The following ZNF185 variants were observed in gnomAD, a reference collection of about 807,000 sequenced individuals.
ZNF185 encodes zinc finger protein 185.
Under a neutral mutation model 58.6 loss-of-function variants are expected in ZNF185, and 56 were observed. That is an observed-to-expected ratio of 0.95 (90% CI 0.77 to 1.19). The LOEUF is 1.19. Ranked by LOEUF, ZNF185 falls within the 50% of genes most tolerant of loss-of-function variation. ZNF185 has a pLI of 0.00. For missense variants in ZNF185, 627 were observed against 573.5 expected, an observed-to-expected ratio of 1.09 and a Z score of -0.95; for synonymous variants, 230 against 215.9, an observed-to-expected ratio of 1.07 and a Z score of -0.57.
chrX:152,943,319 A>G (rs1321449131), intron 15 of ZNF185, among the ~76,000 whole-genome samples: 1 of 112,259 alleles, frequency 8.9e-6, no homozygotes, highest in Non-Finnish European at 1.9e-5. Flanking sequence ...TTTTAAAAGA[A>G]TGGAAGTGTG....
intron 15 of ZNF185, among the ~76,000 whole-genome samples, chrX:152,939,776 GTTTTTTT>G (rs57118182): frequency 4.0e-5 from 2 of 49,844 alleles, no homozygotes; most frequent in African/African-American, 8.2e-5. Flanking sequence ...AATCAGAGGT[GTTTTTTT>G]TTTTTTTTTT....
intron 19 of ZNF185, 54 bp from the exon 22 acceptor site, chrX:152,967,113 A>G (rs2050192226): frequency 1.8e-6 from 2 of 1,084,449 alleles, no homozygotes; most frequent in African/African-American, 1.8e-5. Context: ...ATTAACTATG[A>G]TAGTGATTTG....
chrX:152,908,441 A>G, the ZNF185 span, among the ~76,000 whole-genome samples: 75 of 112,734 alleles, frequency 6.7e-4, no homozygotes, highest in African/African-American at 2.4e-3. Context: ...TTTCTCAGGC[A>G]CAAGCCCAGA....
intron 5 of ZNF185, 99 bp downstream of exon 6, chrX:152,917,461 G>A: frequency 2.0e-6 from 2 of 1,002,859 alleles, no homozygotes; most frequent in Non-Finnish European, 2.8e-6. Context: ...AGGACTGTGG[G>A]GCCTTGGAGG....
At chrX:152,928,653 A>G (rs1556874794) in exon 12 of ZNF185, 1 of 1,211,016 alleles carries the variant, frequency 8.3e-7, no homozygotes, top group Non-Finnish European at 1.1e-6. Context: ...CAGACGTGGA[A>G]GGCATGAGGT....
rs1556877653 is a variant in ZNF185 at position 152,931,789 on chromosome X, A to C, written c.1022+13A>C. The C allele has an allele frequency of 8.4e-7, 1 of 1,185,825 alleles. No individual in the cohort carries two copies. On this transcript the variant is annotated intron_variant, in intron 13 of 22. Coordinates refer to ENST00000449285, the Ensembl canonical transcript of ZNF185. The stretch of plus-strand genomic sequence containing the variant: ...CAGATGCTGCAAGGTAACTCAGTGC[A>C]GGAAGCAGACACTTCATTCCCAGAA...
At chrX:152,959,773 C>A (rs2049276329) in exon 17 of ZNF185, 1 of 1,210,288 alleles carries the variant, frequency 8.3e-7, no homozygotes, top group Non-Finnish European at 1.1e-6. Context: ...CCTGGAGCCC[C>A]AAGAGGTGGC....
intron 14 of ZNF185, among the ~76,000 whole-genome samples, chrX:152,935,472 G>A (rs1018821408): frequency 1.4e-4 from 15 of 110,975 alleles, no homozygotes; most frequent in African/African-American, 4.6e-4. Context: ...TCCTGAACTC[G>A]TGATCCACCC....
At chrX:152,914,055 A>G (rs1937815219), upstream of ZNF185, among the ~76,000 whole-genome samples, 1 of 109,905 alleles carries the variant, frequency 9.1e-6, no homozygotes, top group Non-Finnish European at 1.9e-5. Flanking sequence ...TCGGCTTTGG[A>G]TGCACTCTCT....
intron 14 of ZNF185, 88 bp from the exon 17 acceptor site, chrX:152,937,986 C>T: frequency 1.1e-6 from 1 of 902,565 alleles, no homozygotes; most frequent in Non-Finnish European, 1.6e-6. Flanking sequence ...TCCTCCCTTT[C>T]TGGTGAGAAG....
At chrX:152,941,905 G>A (rs2047249043) in intron 15 of ZNF185, 2 of 1,062,289 alleles carry the variant, frequency 1.9e-6, no homozygotes, top group Non-Finnish European at 2.4e-6. Flanking sequence ...AGGAAGCGCG[G>A]TCCCGCGAGG....
chrX:152,962,427 C>T (rs1012117728), intron 17 of ZNF185, among the ~76,000 whole-genome samples: 4 of 111,789 alleles, frequency 3.6e-5, no homozygotes, highest in Admixed American at 1.9e-4. Flanking sequence ...TCTTCAGTTG[C>T]GCCGTCCCCT....
the ZNF185 span, among the ~76,000 whole-genome samples, chrX:152,901,492 A>G: frequency 3.6e-5 from 4 of 110,629 alleles, no homozygotes; most frequent in Non-Finnish European, 7.6e-5. Context: ...AAGTTGTACG[A>G]ATCGTGCAGA....
chrX:152,914,414 A>G (rs1033977593), upstream of ZNF185: 65 of 955,059 alleles, frequency 6.8e-5, no homozygotes, highest in East Asian at 2.1e-3. Flanking sequence ...AAATGCATGA[A>G]GTGACAGCAT....
intron 12 of ZNF185, among the ~76,000 whole-genome samples, chrX:152,929,976 T>C (rs139310610): frequency 0.02 from 2,296 of 112,524 alleles, 27 homozygotes; most frequent in South Asian, 0.12. Flanking sequence ...GTCCTTCTCC[T>C]GAGTTTCTTC....
chrX:152,936,006 C>G (rs1221655967), intron 14 of ZNF185, among the ~76,000 whole-genome samples: 1 of 112,511 alleles, frequency 8.9e-6, no homozygotes. Context: ...CCACTGGGCC[C>G]TGTGGTAACA....
intron 5 of ZNF185, 40 bp downstream of exon 6, chrX:152,917,402 G>C (rs782403034): frequency 1.0e-5 from 12 of 1,187,437 alleles, no homozygotes; most frequent in African/African-American, 5.3e-5. Context: ...CAGTGGGGAG[G>C]TGTGAGGGCC....
chrX:152,968,831 G>A (rs782626916), intron 20 of ZNF185, among the ~76,000 whole-genome samples: 1 of 112,605 alleles, frequency 8.9e-6, no homozygotes, highest in African/African-American at 3.2e-5. Flanking sequence ...AGGCATCCTG[G>A]AACTGGAAAG....
the ZNF185 span, among the ~76,000 whole-genome samples, chrX:152,904,578 G>A: frequency 8.9e-6 from 1 of 112,528 alleles, no homozygotes; most frequent in Non-Finnish European, 1.9e-5. Context: ...ATCAGCACCC[G>A]CACCGGCTTA....
Sources: allele counts gnomAD v4.1 joint callset (sites outside exome capture counted in the v4.1 genomes callset), GRCh38; gene constraint gnomAD v4.1.1; transcripts MANE v1.5; gene names NCBI Gene and HGNC (gene_info 2026-07-23, HGNC 2026-07-21).